LRGUK: variants seen among roughly 807,000 people sequenced by gnomAD.
LRGUK encodes the protein leucine-rich repeat and guanylate kinase domain-containing protein.
A neutral mutation model predicts 76.0 loss-of-function variants in LRGUK; 65 were observed. The ratio of observed to expected loss-of-function variants is 0.85; its 90% CI spans 0.70 to 1.05. The LOEUF (loss-of-function observed/expected upper bound fraction) is 1.05. LRGUK is among the 50% of genes least tolerant of loss of function. The pLI is 0.00. For synonymous variants in LRGUK, 268 were observed against 265.6 expected (o/e 1.01, Z -0.09); for missense variants, 758 against 732.8 (o/e 1.03, Z -0.40).
chr7:134,201,026 T>A (rs1800744037), intron 14 of LRGUK, among the ~76,000 whole-genome samples: 1 of 152,120 alleles, frequency 6.6e-6, no homozygotes, highest in African/African-American at 2.4e-5. Flanking sequence ...TGCTCTCAGG[T>A]GTCATCCACG....
At chr7:134,199,098 T>C in intron 13 of LRGUK, 122 bp from the exon 14 acceptor site, 2 of 676,548 alleles carry the variant, frequency 3.0e-6, no homozygotes, top group Non-Finnish European at 5.0e-6. Flanking sequence ...ACTATACAGA[T>C]GAAATAAATT....
chr7:134,217,733 A>T (rs1429994936), intron 15 of LRGUK, among the ~76,000 whole-genome samples: 2 of 152,158 alleles, frequency 1.3e-5, no homozygotes, highest in Non-Finnish European at 2.9e-5. Flanking sequence ...TCCACTACAA[A>T]TTATCTATCA....
chr7:134,209,925 C>A, exon 16 of LRGUK: 2 of 399,232 alleles, frequency 5.0e-6, no homozygotes, highest in Non-Finnish European at 8.8e-6. Flanking sequence ...GCTCCTCTTC[C>A]GGAGCCAGGG....
At chr7:134,198,988 C>T (rs761934934) in intron 13 of LRGUK, among the ~76,000 whole-genome samples, 39 of 152,078 alleles carry the variant, frequency 2.6e-4, no homozygotes, top group Non-Finnish European at 5.9e-5. Context: ...TAAAGGAAAG[C>T]CAGGTGGAGT....
At chr7:134,183,819 C>T in exon 11 of LRGUK, 1 of 1,614,096 alleles carries the variant, frequency 6.2e-7, no homozygotes, top group East Asian at 2.2e-5. Flanking sequence ...TGCCCATCGC[C>T]TCTGCAGACA....
At chr7:134,199,986 A>C (rs1445576315) in intron 14 of LRGUK, among the ~76,000 whole-genome samples, 12 of 52,948 alleles carry the variant, frequency 2.3e-4, no homozygotes, top group African/African-American at 9.2e-4. Flanking sequence ...AAACTTTTAT[A>C]TATATATATA....
rs190314546 is a variant in LRGUK at position 134,224,260 on chromosome 7, A to T, written c.1983+2342A>T. Reference sequence around the variant, plus strand: ...CTTGGTGATAAGACTGCACCCTGACAATCAGAGGCAGCCCATTTCCCAGGT... The same window carrying T: ...CTTGGTGATAAGACTGCACCCTGACTATCAGAGGCAGCCCATTTCCCAGGT... On this transcript the variant is annotated intron_variant, in intron 16 of 19. Coordinates refer to the LRGUK transcript ENST00000285928. 3.8e-3 allele frequency among the ~76,000 whole-genome samples: 575 copies of T among 152,326 alleles called. 2 individuals are homozygous for T. The highest frequency in any genetic ancestry group is 0.013 in the African/African-American group (534 of 41,572).
chr7:134,179,106 C>G (rs145771265), intron 10 of LRGUK, among the ~76,000 whole-genome samples: 8 of 152,016 alleles, frequency 5.3e-5, no homozygotes, highest in Admixed American at 4.6e-4. Context: ...ATTAGGGAGT[C>G]CCTTAGAAGG....
At chr7:134,211,015 A>G (rs991082501), downstream of LRGUK, among the ~76,000 whole-genome samples, 1 of 152,262 alleles carries the variant, frequency 6.6e-6, no homozygotes, top group African/African-American at 2.4e-5. Context: ...ACCCCGAGGC[A>G]GCACTGTCAC....
At chr7:134,222,176 T>C (rs745324505) in intron 16 of LRGUK, among the ~76,000 whole-genome samples, 3 of 152,182 alleles carry the variant, frequency 2.0e-5, no homozygotes, top group African/African-American at 7.2e-5. Flanking sequence ...ATCTTCTATT[T>C]TGTAAGAACA....
intron 16 of LRGUK, among the ~76,000 whole-genome samples, chr7:134,239,629 C>T (rs1802091898): frequency 1.3e-5 from 2 of 152,222 alleles, no homozygotes; most frequent in Non-Finnish European, 2.9e-5. Flanking sequence ...GGGAGCAGGA[C>T]ATAGCTGAAT....
chr7:134,148,313 T>G, exon 5 of LRGUK: 1 of 1,572,652 alleles, frequency 6.4e-7, no homozygotes, highest in Non-Finnish European at 8.6e-7. Flanking sequence ...TAAACTAATT[T>G]TGGATGGTAT....
chr7:134,231,962 CTT>C (rs964858205), intron 16 of LRGUK, among the ~76,000 whole-genome samples: 1 of 151,810 alleles, frequency 6.6e-6, no homozygotes, highest in African/African-American at 2.4e-5. Flanking sequence ...CATTTCCTCA[CTT>C]ATTTATTTAT....
exon 20 of LRGUK, chr7:134,264,044 T>C: frequency 6.7e-7 from 1 of 1,486,146 alleles, no homozygotes; most frequent in Non-Finnish European, 9.0e-7. Context: ...TTGCCTTACC[T>C]GGCCATGGGT....
At chr7:134,239,231 GC>G (rs1317764197) in intron 16 of LRGUK, among the ~76,000 whole-genome samples, 1 of 152,168 alleles carries the variant, frequency 6.6e-6, no homozygotes, top group Non-Finnish European at 1.5e-5. Flanking sequence ...AGTGGGTGCA[GC>G]CCACAGAGCA....
intron 5 of LRGUK, among the ~76,000 whole-genome samples, chr7:134,152,611 CAGA>C (rs968265046): frequency 3.9e-5 from 6 of 151,940 alleles, no homozygotes; most frequent in African/African-American, 1.2e-4. Flanking sequence ...CTTGTAGATC[CAGA>C]AGATCTTTTT....
At chr7:134,220,901 G>T (rs1007677262) in intron 15 of LRGUK, among the ~76,000 whole-genome samples, 2 of 152,012 alleles carry the variant, frequency 1.3e-5, no homozygotes, top group African/African-American at 4.8e-5. Flanking sequence ...GCATGCAGGG[G>T]CTGTGGCTTC....
chr7:134,138,305 ACTGACCTCC>A (rs1797618330), intron 2 of LRGUK, among the ~76,000 whole-genome samples: 1 of 152,206 alleles, frequency 6.6e-6, no homozygotes, highest in Admixed American at 6.6e-5. Context: ...TTATTTTGCC[ACTGACCTCC>A]TTACATTTGA....
At chr7:134,187,072 T>A (rs954721582) in intron 11 of LRGUK, among the ~76,000 whole-genome samples, 4 of 152,116 alleles carry the variant, frequency 2.6e-5, no homozygotes, top group African/African-American at 9.7e-5. Context: ...AAGGCACGGA[T>A]AAAAGACTAT....
Sources: gnomAD v4.1 joint callset for allele counts (sites outside exome capture counted in the v4.1 genomes callset) on GRCh38, gnomAD v4.1.1 for gene constraint, MANE v1.5 for transcripts, NCBI Gene and HGNC (gene_info 2026-07-23, HGNC 2026-07-21) for gene names.